Variants in ATG7 observed in about 807,000 individuals in gnomAD.
The protein encoded by ATG7 is ubiquitin-like modifier-activating enzyme ATG7.
Under a neutral mutation model 82.4 loss-of-function variants are expected in ATG7, and 70 were observed. The ratio of observed to expected loss-of-function variants is 0.85; its 90% confidence interval spans 0.70 to 1.04. The LOEUF (loss-of-function observed/expected upper bound fraction) is 1.04. Among genes scored for constraint, ATG7 ranks in the 50% least tolerant of loss-of-function variants. ATG7 has a pLI of 0.00. For synonymous variants in ATG7, 287 were observed against 313.0 expected (o/e 0.92, Z 0.88); for missense variants, 792 against 864.3 (o/e 0.92, Z 1.05).
chr3:11,555,997 C>T lies in ATG7; in HGVS notation c.*1154C>T, dbSNP rs1055109257. On this transcript the variant is annotated 3_prime_UTR_variant, in exon 21 of 21. Coordinates refer to ENST00000693202, the MANE Select transcript of ATG7 (RefSeq NM_001349232.2). ...TCAGCTCATGGGAGCTTCATGGGGA[C>T]ACAGCCGGCACAGGTGCAGGGCCCG... is the stretch of plus-strand genomic sequence containing the variant. 3 of 152,724 alleles carry T rather than the reference C, an allele frequency of 2.0e-5. No homozygotes were observed. The highest frequency in any genetic ancestry group is 7.2e-5 in the African/African-American group (3 of 41,444). 9.5% of individuals were successfully genotyped at this position (152,724 alleles called of 1,614,324 possible).
chr3:11,566,151 C>G, the ATG7 span, among the ~76,000 whole-genome samples: 1 of 152,206 alleles, frequency 6.6e-6, no homozygotes, highest in African/African-American at 2.4e-5. Flanking sequence ...ATGTTACACA[C>G]ACAATGAATG....
chr3:11,326,110 A>G (rs550047293), intron 9 of ATG7, among the ~76,000 whole-genome samples: 4 of 152,270 alleles, frequency 2.6e-5, no homozygotes, highest in East Asian at 1.9e-4. Context: ...ACTTCCCCCA[A>G]TGTCTTAGGA....
chr3:11,544,998 CA>C (rs1221170101), intron 20 of ATG7, among the ~76,000 whole-genome samples: 2 of 152,176 alleles, frequency 1.3e-5, no homozygotes, highest in Admixed American at 6.5e-5. Context: ...TAAGGTAGGC[CA>C]GCAGGGAAGT....
Position 11,506,570 on chromosome 3 carries a change from AAAAAAAAAAAAAAAC to A in ATG7, c.2080-48240_2080-48226del, listed in dbSNP as rs1425615378. 1.9e-3 allele frequency among the ~76,000 whole-genome samples: 258 copies of A among 134,216 alleles called. 3 individuals are homozygous for A. The highest frequency in any genetic ancestry group is 7.2e-3 in the African/African-American group (249 of 34,664). 88.1% of individuals were successfully genotyped at this position (134,216 alleles called of 152,430 possible). ...CCATCTCTACAAAAAAAAAAAAAAA[AAAAAAAAAAAAAAAC>A]CCAAAAATTAGCTGGGAGTGGTGGC... On this transcript the variant is annotated intron_variant, in intron 20 of 20. Coordinates refer to ENST00000693202, the MANE Select transcript of ATG7 (RefSeq NM_001349232.2).
chr3:11,426,919 C>A lies in ATG7; in HGVS notation c.2072C>A (p.Ala691Asp). ...GLTLLHQETQ[A>D]AEIWDMSDDE... Reference sequence around the variant, plus strand: ...ACATTGCTGCATCAAGAAACCCAAGCTGCTGAGGTAAGAACAAAACAAGCT... The same window carrying A: ...ACATTGCTGCATCAAGAAACCCAAGATGCTGAGGTAAGAACAAAACAAGCT... The change falls in exon 20 of 21, where the codon GCT becomes GAT. Residue 691 changes from alanine to aspartate, a missense_variant. By Grantham distance (126) the Ala-to-Asp change is moderately radical. Coordinates refer to ENST00000693202, the MANE Select transcript of ATG7 (RefSeq NM_001349232.2). 6.2e-7 allele frequency: 1 copy of A among 1,600,098 alleles called. No homozygotes were observed.
At chr3:11,541,195 C>T (rs1012085371) in intron 20 of ATG7, among the ~76,000 whole-genome samples, 3 of 152,170 alleles carry the variant, frequency 2.0e-5, no homozygotes, top group Non-Finnish European at 2.9e-5. Context: ...CCATCGCGCC[C>T]GGCTGGTTTT....
intron 14 of ATG7, among the ~76,000 whole-genome samples, chr3:11,353,758 G>A (rs952593970): frequency 6.6e-6 from 1 of 152,176 alleles, no homozygotes; most frequent in Non-Finnish European, 1.5e-5. Flanking sequence ...TTCACCATGA[G>A]TGGAAGCTTC....
intron 7 of ATG7, among the ~76,000 whole-genome samples, chr3:11,310,866 T>C (rs1035157641): frequency 2.0e-5 from 3 of 152,114 alleles, no homozygotes; most frequent in Non-Finnish European, 2.9e-5. Flanking sequence ...TCTCCTGACC[T>C]CGTGATCCGC....
intron 11 of ATG7, among the ~76,000 whole-genome samples, chr3:11,336,475 T>C (rs146542918): frequency 4.7e-4 from 72 of 152,324 alleles, no homozygotes; most frequent in African/African-American, 1.7e-3. Flanking sequence ...CAAATGAATT[T>C]CCTGTTTTTC....
intron 20 of ATG7, among the ~76,000 whole-genome samples, chr3:11,488,905 A>C (rs1481295467): frequency 6.6e-6 from 1 of 152,196 alleles, no homozygotes; most frequent in African/African-American, 2.4e-5. Flanking sequence ...TATCAGGATG[A>C]TGCTGGCCTC....
At chr3:11,382,683 T>C (rs1459223271) in intron 19 of ATG7, among the ~76,000 whole-genome samples, 1 of 152,258 alleles carries the variant, frequency 6.6e-6, no homozygotes, top group Non-Finnish European at 1.5e-5. Context: ...GGGAAAAGTA[T>C]AATTTTTAAA....
intron 14 of ATG7, among the ~76,000 whole-genome samples, chr3:11,352,969 C>T (rs984469896): frequency 6.6e-6 from 1 of 152,164 alleles, no homozygotes; most frequent in Non-Finnish European, 1.5e-5. Flanking sequence ...TAAATGCAGA[C>T]TTCCTAGATA....
At chr3:11,373,030 A>G (rs954205729) in intron 18 of ATG7, among the ~76,000 whole-genome samples, 1 of 151,256 alleles carries the variant, frequency 6.6e-6, no homozygotes, top group Admixed American at 6.6e-5. Flanking sequence ...TTGTTTTGTC[A>G]TGTGTTTATC....
At chr3:11,499,253 T>C (rs1156704271) in intron 20 of ATG7, among the ~76,000 whole-genome samples, 1 of 44,908 alleles carries the variant, frequency 2.2e-5, no homozygotes, top group Non-Finnish European at 4.3e-5. Context: ...CATTGCCACA[T>C]TCCTCTATCC....
chr3:11,380,807 C>T lies in ATG7; in HGVS notation c.1956+755C>T, dbSNP rs1279239882. On this transcript the variant is annotated intron_variant, in intron 19 of 20. Coordinates refer to ENST00000693202, the MANE Select transcript of ATG7 (RefSeq NM_001349232.2). Reference sequence around the variant, plus strand: ...TGCTATACAAAATAATGTTGGTGACCACTAATCCCCAACTGTGGCTTCTCA... The same window carrying T: ...TGCTATACAAAATAATGTTGGTGACTACTAATCCCCAACTGTGGCTTCTCA... Among the ~76,000 whole-genome samples, 9 of 152,230 alleles carry T rather than the reference C, an allele frequency of 5.9e-5. No individual in the cohort carries two copies. The East Asian group carries it at 1.7e-3, about 29-fold the overall frequency.
intron 19 of ATG7, among the ~76,000 whole-genome samples, chr3:11,393,503 G>A (rs1231317214): frequency 2.0e-5 from 3 of 152,022 alleles, no homozygotes; most frequent in Non-Finnish European, 4.4e-5. Context: ...CAGATAATAG[G>A]TATCTCTTTA....
rs370279520 is a variant in ATG7 at position 11,360,715 on chromosome 3, G to A, written c.1614G>A (p.Ser538=). ...CATCTGCTGACCTCCTGGGCTCATCGCTTTTTGCCAACATCCCTGGTTACA... is the reference window on the plus strand; with the variant it reads ...CATCTGCTGACCTCCTGGGCTCATCACTTTTTGCCAACATCCCTGGTTACA... ...PVASADLLGS[S]LFANIPGYKL... The change falls in exon 16 of 21, where the codon TCG becomes TCA. Residue 538 remains serine, a synonymous_variant. Transcript: ENST00000693202. 5.9e-5 allele frequency: 95 copies of A among 1,614,116 alleles called. No individual in the cohort carries two copies. The highest frequency in any genetic ancestry group is 5.0e-4 in the Middle Eastern group (3 of 6,056).
intron 1 of ATG7, among the ~76,000 whole-genome samples, chr3:11,280,052 CTT>C (rs564180940): frequency 1.4e-5 from 2 of 141,972 alleles, no homozygotes. Flanking sequence ...CTTTTCTTTT[CTT>C]TTTTTTTTTT....
At chr3:11,503,236 T>C (rs1009752794) in intron 20 of ATG7, among the ~76,000 whole-genome samples, 2 of 152,136 alleles carry the variant, frequency 1.3e-5, no homozygotes, top group Admixed American at 1.3e-4. Flanking sequence ...TCTGAGTACC[T>C]TCTCCTTAAG....
Sources: gnomAD v4.1 joint callset for allele counts (sites outside exome capture counted in the v4.1 genomes callset) on GRCh38, gnomAD v4.1.1 for gene constraint, MANE v1.5 for transcripts, NCBI Gene and HGNC (gene_info 2026-07-23, HGNC 2026-07-21) for gene names.